Variants in VAV3 observed in about 807,000 individuals in gnomAD.
The protein encoded by VAV3 is vav guanine nucleotide exchange factor 3, also known as guanine nucleotide exchange factor VAV3.
In VAV3, 94 loss-of-function variants were observed where a neutral mutation model predicts 131.2. The observed-to-expected ratio is 0.72, with a 90% CI of 0.61 to 0.85. The LOEUF (loss-of-function observed/expected upper bound fraction) is 0.85, where lower values mean the gene tolerates loss of function less well. Among genes scored for constraint, VAV3 ranks in the 40% least tolerant of loss-of-function variants. VAV3 has a pLI of 0.00. For missense variants in VAV3, 939 were observed against 1,002.7 expected (o/e 0.94, Z 0.86); for synonymous variants, 349 against 342.0 (o/e 1.02, Z -0.22).
intron 1 of VAV3, among the ~76,000 whole-genome samples, chr1:107,959,497 C>T (rs1327327242): frequency 1.3e-5 from 2 of 152,078 alleles, no homozygotes; most frequent in Admixed American, 1.3e-4. Context: ...ATCCTCAGTC[C>T]TTATTTCACT....
At chr1:107,885,238 C>T (rs372671367) in intron 1 of VAV3, among the ~76,000 whole-genome samples, 222 of 140,366 alleles carry the variant, frequency 1.6e-3, no homozygotes, top group Non-Finnish European at 2.7e-3. Context: ...AAAGGTGACA[C>T]ATAAGTCTGT....
intron 2 of VAV3, among the ~76,000 whole-genome samples, chr1:107,797,366 T>C (rs911033743): frequency 6.6e-6 from 1 of 152,208 alleles, no homozygotes; most frequent in Admixed American, 6.5e-5. Context: ...GCATATGCCA[T>C]AAATTCTACT....
chr1:107,883,521 T>G (rs1244547075), intron 1 of VAV3, among the ~76,000 whole-genome samples: 1 of 152,228 alleles, frequency 6.6e-6, no homozygotes, highest in Admixed American at 6.5e-5. Flanking sequence ...TAAATTGTCA[T>G]CATATCTTCT....
At chr1:107,594,810 C>T (rs1651243083) in intron 25 of VAV3, among the ~76,000 whole-genome samples, 1 of 152,092 alleles carries the variant, frequency 6.6e-6, no homozygotes. Flanking sequence ...TAATATGGGA[C>T]ATCTGTTCTC....
chr1:107,671,709 C>T (rs1449134887), intron 19 of VAV3, among the ~76,000 whole-genome samples: 2 of 151,854 alleles, frequency 1.3e-5, no homozygotes, highest in African/African-American at 4.8e-5. Flanking sequence ...AAGGCAGAGC[C>T]ATAGAATATT....
intron 17 of VAV3, among the ~76,000 whole-genome samples, chr1:107,690,379 G>A (rs1267414393): frequency 5.9e-5 from 9 of 152,092 alleles, no homozygotes; most frequent in Non-Finnish European, 1.3e-4. Flanking sequence ...CTTCATCAGA[G>A]GAGCAGATCC....
intron 20 of VAV3, among the ~76,000 whole-genome samples, chr1:107,635,291 TA>T (rs937616370): frequency 1.3e-5 from 2 of 151,910 alleles, no homozygotes; most frequent in African/African-American, 4.8e-5. Flanking sequence ...TATGCAGCCA[TA>T]AAAAATGATG....
At chr1:107,802,959 C>T (rs1408518598) in intron 2 of VAV3, among the ~76,000 whole-genome samples, 1 of 150,908 alleles carries the variant, frequency 6.6e-6, no homozygotes, top group Non-Finnish European at 1.5e-5. Flanking sequence ...AGCAGTGAAG[C>T]CATCAGGTCC....
chr1:107,735,505 T>C (rs1557805483), intron 15 of VAV3, among the ~76,000 whole-genome samples: 1 of 151,698 alleles, frequency 6.6e-6, no homozygotes, highest in Non-Finnish European at 1.5e-5. Flanking sequence ...ATAGACGCAA[T>C]AAAAAATGAT....
intron 15 of VAV3, among the ~76,000 whole-genome samples, chr1:107,709,799 C>T (rs147809038): frequency 6.6e-6 from 1 of 152,304 alleles, no homozygotes; most frequent in Non-Finnish European, 1.5e-5. Flanking sequence ...ACGTGTTTGT[C>T]TCCCCTTCTA....
intron 2 of VAV3, among the ~76,000 whole-genome samples, chr1:107,835,191 C>G (rs1382018591): frequency 6.6e-6 from 1 of 152,212 alleles, no homozygotes; most frequent in Non-Finnish European, 1.5e-5. Context: ...AGGCCCCTGC[C>G]TGGCTGCTCC....
At chr1:107,804,358 G>A (rs1414944692) in intron 2 of VAV3, among the ~76,000 whole-genome samples, 5 of 151,890 alleles carry the variant, frequency 3.3e-5, no homozygotes, top group Non-Finnish European at 7.4e-5. Flanking sequence ...GACTTCCTCT[G>A]GTAACATGTT....
At chr1:107,754,412 G>A (rs1220660953) in intron 12 of VAV3, among the ~76,000 whole-genome samples, 2 of 152,150 alleles carry the variant, frequency 1.3e-5, no homozygotes, top group East Asian at 3.9e-4. Flanking sequence ...AGAAAGCAGC[G>A]ATGAAACTGC....
At position 107,935,628 on chromosome 1, in the gene VAV3, T is replaced by C. The variant is rs565393802; in HGVS notation, c.204+29038A>G. Among the ~76,000 whole-genome samples the C allele has an allele frequency of 1.4e-4, 21 of 152,148 alleles. No homozygotes were observed. In the South Asian group the frequency reaches 3.9e-3, roughly 29 times the overall value. On this transcript the variant is annotated intron_variant, in intron 1 of 26. Transcript: ENST00000370056. ...AGTTACAGAAATGAGTAAGAAACCA[T>C]CCGTGACCTGAATAAGTTCACAGCA...
At chr1:107,914,427 A>G (rs1672516667) in intron 1 of VAV3, among the ~76,000 whole-genome samples, 1 of 152,212 alleles carries the variant, frequency 6.6e-6, no homozygotes, top group Non-Finnish European at 1.5e-5. Flanking sequence ...TCCTAGCTTC[A>G]GCCATGTGAT....
intron 19 of VAV3, among the ~76,000 whole-genome samples, chr1:107,667,434 T>C (rs925129196): frequency 2.0e-5 from 3 of 152,158 alleles, no homozygotes; most frequent in African/African-American, 7.2e-5. Context: ...AGCATGCCTG[T>C]AATGGGGTAG....
At chr1:107,691,953 C>T (rs1437969210) in intron 17 of VAV3, among the ~76,000 whole-genome samples, 1 of 151,932 alleles carries the variant, frequency 6.6e-6, no homozygotes, top group Non-Finnish European at 1.5e-5. Flanking sequence ...AAATTCTGTC[C>T]TATTTTGTTT....
intron 1 of VAV3, among the ~76,000 whole-genome samples, chr1:107,914,964 T>C (rs1672540433): frequency 6.6e-6 from 1 of 152,154 alleles, no homozygotes; most frequent in Non-Finnish European, 1.5e-5. Context: ...GAAGAACTCA[T>C]TTTTTATTTT....
intron 2 of VAV3, among the ~76,000 whole-genome samples, chr1:107,823,496 G>C (rs1667886240): frequency 6.6e-6 from 1 of 151,864 alleles, no homozygotes; most frequent in Non-Finnish European, 1.5e-5. Context: ...GGGCTGGGTA[G>C]CATTAAAAAA....
Sources: allele counts gnomAD v4.1 joint callset (sites outside exome capture counted in the v4.1 genomes callset), GRCh38; gene constraint gnomAD v4.1.1; transcripts MANE v1.5; gene names NCBI Gene and HGNC (gene_info 2026-07-23, HGNC 2026-07-21).